The following CYP7B1 variants were observed in gnomAD, a reference collection of about 807,000 sequenced individuals.
CYP7B1 encodes cytochrome P450 family 7 subfamily B member 1.
CYP7B1 carries 29 observed loss-of-function variants against 42.7 expected under a neutral mutation model. That is an observed-to-expected ratio of 0.68 (90% confidence interval 0.51 to 0.93). The LOEUF is 0.93. CYP7B1 is among the 40% of genes least tolerant of loss of function. The pLI is 0.00. For missense variants in CYP7B1, 655 were observed against 600.5 expected (o/e 1.09, Z -0.95); for synonymous variants, 235 against 218.2 (o/e 1.08, Z -0.68).
Position 64,595,720 on chromosome 8 carries a change from T to G in CYP7B1, c.*922A>C, listed in dbSNP as rs1805107379. Among the ~76,000 whole-genome samples the G allele has an allele frequency of 6.6e-6, 1 of 152,178 alleles. No individual in the cohort carries two copies. On this transcript the variant is annotated 3_prime_UTR_variant, in exon 6 of 6. Coordinates refer to ENST00000310193, the MANE Select transcript of CYP7B1 (RefSeq NM_004820.5). The stretch of plus-strand genomic sequence containing the variant: ...GTAATTCAAAATAGAACACATGAAC[T>G]CCAAATCCAAAAGGTGAGACATCAA...
intron 1 of CYP7B1, among the ~76,000 whole-genome samples, chr8:64,643,212 CAT>C (rs1554527685): frequency 7.7e-6 from 1 of 130,698 alleles, no homozygotes; most frequent in African/African-American, 2.8e-5. Context: ...CACACACACA[CAT>C]ATACAAGCAT....
At chr8:64,691,849 A>G (rs1283801034) in intron 1 of CYP7B1, among the ~76,000 whole-genome samples, 1 of 152,194 alleles carries the variant, frequency 6.6e-6, no homozygotes, top group Non-Finnish European at 1.5e-5. Flanking sequence ...TTCTTAGGTC[A>G]GAGCACCTTC....
At chr8:64,696,895 G>A (rs920486013) in intron 1 of CYP7B1, among the ~76,000 whole-genome samples, 1 of 152,162 alleles carries the variant, frequency 6.6e-6, no homozygotes, top group African/African-American at 2.4e-5. Flanking sequence ...CTCAGTCACT[G>A]TGGACTTAAC....
chr8:64,612,571 C>T lies in CYP7B1; in HGVS notation c.1057+2455G>A, dbSNP rs1050346814. On this transcript the variant is annotated intron_variant, in intron 4 of 5. Transcript: ENST00000310193. The stretch of plus-strand genomic sequence containing the variant: ...GATTGCTTTAAATTACTTAAACAGA[C>T]TTTGGCAGTCTAACGTTTCTTCTCA... 2.0e-4 allele frequency among the ~76,000 whole-genome samples: 31 copies of T among 152,200 alleles called. 1 individual carries two copies. The highest frequency in any genetic ancestry group is 1.5e-3 in the South Asian group (7 of 4,824).
At chr8:64,704,888 T>C (rs1201061358) in intron 1 of CYP7B1, among the ~76,000 whole-genome samples, 3 of 152,036 alleles carry the variant, frequency 2.0e-5, no homozygotes, top group Non-Finnish European at 2.9e-5. Flanking sequence ...AGTTGACTTA[T>C]TGGGGGAAAA....
intron 1 of CYP7B1, among the ~76,000 whole-genome samples, chr8:64,754,480 C>T (rs1807777647): frequency 6.6e-6 from 1 of 152,204 alleles, no homozygotes; most frequent in South Asian, 2.1e-4. Flanking sequence ...TTAAAACAAT[C>T]TTTAAATGTT....
chr8:64,767,981 T>G (rs1804135491), intron 1 of CYP7B1, among the ~76,000 whole-genome samples: 1 of 152,152 alleles, frequency 6.6e-6, no homozygotes, highest in African/African-American at 2.4e-5. Context: ...TTAAGAGCAG[T>G]CGTTGGCCAA....
At chr8:64,774,440 A>G (rs1277574010) in intron 1 of CYP7B1, among the ~76,000 whole-genome samples, 1 of 152,172 alleles carries the variant, frequency 6.6e-6, no homozygotes, top group African/African-American at 2.4e-5. Flanking sequence ...TGCCTTAGTG[A>G]TTGTTGGAAA....
chr8:64,746,886 T>C (rs1807651185), intron 1 of CYP7B1, among the ~76,000 whole-genome samples: 1 of 151,984 alleles, frequency 6.6e-6, no homozygotes, highest in Non-Finnish European at 1.5e-5. Flanking sequence ...TTAATCCCAA[T>C]CTGCATTTAT....
chr8:64,753,150 G>T (rs1807755027), intron 1 of CYP7B1, among the ~76,000 whole-genome samples: 1 of 152,154 alleles, frequency 6.6e-6, no homozygotes, highest in Admixed American at 6.5e-5. Context: ...TCTCTAAATG[G>T]TTAACACTCT....
At chr8:64,679,184 T>G (rs569875239) in intron 1 of CYP7B1, among the ~76,000 whole-genome samples, 2 of 152,036 alleles carry the variant, frequency 1.3e-5, no homozygotes, top group African/African-American at 4.8e-5. Context: ...TTTCATATAT[T>G]CATTCATTCA....
intron 1 of CYP7B1, among the ~76,000 whole-genome samples, chr8:64,742,938 G>A (rs1231016870): frequency 6.6e-6 from 1 of 151,910 alleles, no homozygotes; most frequent in Non-Finnish European, 1.5e-5. Context: ...AAATGCTAGG[G>A]TTCATTATAA....
chr8:64,766,009 C>G (rs978899121), intron 1 of CYP7B1, among the ~76,000 whole-genome samples: 8 of 152,122 alleles, frequency 5.3e-5, no homozygotes, highest in Admixed American at 5.2e-4. Flanking sequence ...GAAGTGCTGC[C>G]ATAACTGCAG....
intron 1 of CYP7B1, among the ~76,000 whole-genome samples, chr8:64,654,285 CCAAAAG>C (rs1806087155): frequency 6.6e-6 from 1 of 152,244 alleles, no homozygotes; most frequent in African/African-American, 2.4e-5. Flanking sequence ...TAGTCTCAGC[CCAAAAG>C]CTCCTTCAGT....
At chr8:64,639,793 T>C (rs918503613) in intron 1 of CYP7B1, among the ~76,000 whole-genome samples, 1 of 152,096 alleles carries the variant, frequency 6.6e-6, no homozygotes, top group Non-Finnish European at 1.5e-5. Flanking sequence ...CACATGTCCA[T>C]ACAAAGACTT....
At chr8:64,795,252 T>C (rs1804686854) in intron 1 of CYP7B1, among the ~76,000 whole-genome samples, 1 of 152,254 alleles carries the variant, frequency 6.6e-6, no homozygotes, top group South Asian at 2.1e-4. Flanking sequence ...ATCCCATTTA[T>C]ATGAAGTTTG....
chr8:64,639,964 A>G (rs906673718), intron 1 of CYP7B1, among the ~76,000 whole-genome samples: 1 of 152,150 alleles, frequency 6.6e-6, no homozygotes, highest in African/African-American at 2.4e-5. Context: ...AAAGAAAAGA[A>G]ATGGAATAAA....
intron 1 of CYP7B1, among the ~76,000 whole-genome samples, chr8:64,687,222 G>A (rs1806667416): frequency 6.6e-6 from 1 of 152,326 alleles, no homozygotes; most frequent in South Asian, 2.1e-4. Flanking sequence ...AGAAGATGTG[G>A]TATATCTGCA....
At chr8:64,620,136 T>C (rs1457916308) in intron 2 of CYP7B1, among the ~76,000 whole-genome samples, 1 of 152,148 alleles carries the variant, frequency 6.6e-6, no homozygotes, top group East Asian at 1.9e-4. Flanking sequence ...CAGTGAATTA[T>C]GATTATGCTA....
Sources: allele counts gnomAD v4.1 joint callset (sites outside exome capture counted in the v4.1 genomes callset), GRCh38; gene constraint gnomAD v4.1.1; transcripts MANE v1.5; gene names NCBI Gene and HGNC (gene_info 2026-07-23, HGNC 2026-07-21).